Variants in CSMD1 observed in about 807,000 individuals in gnomAD.
CSMD1 encodes CUB and Sushi multiple domains 1.
In CSMD1, 213 loss-of-function variants were observed where a neutral mutation model predicts 417.5. The ratio of observed to expected loss-of-function variants is 0.51; its 90% confidence interval spans 0.46 to 0.57. The LOEUF (loss-of-function observed/expected upper bound fraction) is 0.57. CSMD1 is among the 20% of genes least tolerant of loss of function. CSMD1 has a pLI of 0.00. For missense variants in CSMD1, 6,923 were observed against 4,529.7 expected (o/e 1.53, Z -15.17); for synonymous variants, 2,862 against 1,736.8 (o/e 1.65, Z -16.11).
intron 5 of CSMD1, among the ~76,000 whole-genome samples, chr8:3,987,118 G>C (rs529349157): frequency 8.8e-4 from 134 of 152,170 alleles, no homozygotes; most frequent in African/African-American, 3.1e-3. Flanking sequence ...CAACTTACTG[G>C]AATGTATTTA....
chr8:4,678,221 G>C (rs1805817744), intron 1 of CSMD1, among the ~76,000 whole-genome samples: 1 of 152,032 alleles, frequency 6.6e-6, no homozygotes, highest in Middle Eastern at 3.4e-3. Flanking sequence ...GGTCAGCCTG[G>C]CCAACCTGGT....
At chr8:4,963,180 C>A (rs1480400431) in intron 1 of CSMD1, among the ~76,000 whole-genome samples, 3 of 151,914 alleles carry the variant, frequency 2.0e-5, no homozygotes, top group African/African-American at 7.3e-5. Context: ...AGCTGTAATC[C>A]CTTCATTCAC....
intron 12 of CSMD1, among the ~76,000 whole-genome samples, chr8:3,449,612 G>C (rs1815558996): frequency 6.6e-6 from 1 of 151,942 alleles, no homozygotes; most frequent in Admixed American, 6.6e-5. Flanking sequence ...CTGCCTCTTG[G>C]GTTCAAGCAA....
chr8:4,870,827 T>C (rs1167952818), intron 1 of CSMD1, among the ~76,000 whole-genome samples: 3 of 152,142 alleles, frequency 2.0e-5, no homozygotes, highest in Non-Finnish European at 2.9e-5. Context: ...GTGCATTTGC[T>C]GGCTCCCCTC....
intron 4 of CSMD1, among the ~76,000 whole-genome samples, chr8:4,031,005 G>A (rs1243084096): frequency 6.6e-6 from 1 of 152,108 alleles, no homozygotes; most frequent in Non-Finnish European, 1.5e-5. Flanking sequence ...CTCCATCCGA[G>A]ACCACCTCAG....
intron 55 of CSMD1, among the ~76,000 whole-genome samples, chr8:2,974,944 C>A (rs535026260): frequency 6.6e-6 from 1 of 152,092 alleles, no homozygotes; most frequent in East Asian, 1.9e-4. Context: ...TAACTATATT[C>A]CAAATGAACA....
rs567925445 is a variant in CSMD1 at position 3,319,832 on chromosome 8, G to C, written c.3632-11329C>G. Among the ~76,000 whole-genome samples the C allele has an allele frequency of 2.0e-5, 3 of 152,178 alleles. No individual in the cohort carries two copies. In the East Asian group the frequency reaches 5.8e-4, roughly 29 times the overall value. On this transcript the variant is annotated intron_variant, in intron 23 of 69. Transcript: ENST00000635120. ...TCAGCACATAATTTTAATTTTCATTGTCTAAATCTCAGTAATGCTTATATT... is the reference window on the plus strand; with the variant it reads ...TCAGCACATAATTTTAATTTTCATTCTCTAAATCTCAGTAATGCTTATATT...
intron 5 of CSMD1, among the ~76,000 whole-genome samples, chr8:3,928,527 T>A (rs567907976): frequency 1.5e-5 from 2 of 135,908 alleles, no homozygotes; most frequent in East Asian, 4.3e-4. Flanking sequence ...ATTCACAGGT[T>A]TCACGGCCGT....
At chr8:3,841,891 C>T (rs142477172) in intron 5 of CSMD1, among the ~76,000 whole-genome samples, 13 of 152,012 alleles carry the variant, frequency 8.6e-5, no homozygotes, top group South Asian at 4.2e-4. Flanking sequence ...ACACTGGCCA[C>T]GGCAAAGCCT....
rs1016922136 is a variant in CSMD1 at position 4,168,176 on chromosome 8, C to T, written c.416-136077G>A. ...ACACACACACACACACACACACACA[C>T]ATACACACACACGTATGTATGTATA... On this transcript the variant is annotated intron_variant, in intron 3 of 69. Transcript: ENST00000635120. Among the ~76,000 whole-genome samples, 32 of 147,990 alleles carry T rather than the reference C, an allele frequency of 2.2e-4. No homozygotes were observed. In the East Asian group the frequency reaches 4.3e-3, roughly 20 times the overall value.
In CSMD1 at chr8:4,654,511, A is replaced by G. The variant is rs552869770; in HGVS notation, c.86-16953T>C. 2.6e-5 allele frequency among the ~76,000 whole-genome samples: 4 copies of G among 152,202 alleles called. No individual in the cohort carries two copies. The East Asian group carries it at 7.7e-4, about 29-fold the overall frequency. The stretch of plus-strand genomic sequence containing the variant: ...GGAAACGAAGTACCAGGCAATGCAT[A>G]TACTTCTTACGTTTGCTGAGAGGCA... On this transcript the variant is annotated intron_variant, in intron 1 of 69. Transcript: ENST00000635120.
intron 26 of CSMD1, among the ~76,000 whole-genome samples, chr8:3,279,775 T>C (rs1321694151): frequency 6.6e-6 from 1 of 151,934 alleles, no homozygotes; most frequent in Admixed American, 6.6e-5. Flanking sequence ...AAAGGAGAAG[T>C]GCAAGCAGGA....
At chr8:3,761,430 A>C (rs1008865162) in intron 5 of CSMD1, among the ~76,000 whole-genome samples, 20 of 151,820 alleles carry the variant, frequency 1.3e-4, no homozygotes, top group Non-Finnish European at 1.5e-5. Flanking sequence ...AAATAAAAAA[A>C]CCCATATGGT....
At chr8:4,216,408 G>A (rs116699941) in intron 3 of CSMD1, among the ~76,000 whole-genome samples, 1,973 of 152,056 alleles carry the variant, frequency 0.013, 48 homozygotes, top group African/African-American at 0.046. Flanking sequence ...TTGTGTGCAT[G>A]GTAAAATTAA....
At chr8:4,102,432 A>T (rs1801353010) in intron 3 of CSMD1, among the ~76,000 whole-genome samples, 1 of 152,174 alleles carries the variant, frequency 6.6e-6, no homozygotes. Flanking sequence ...TTCTGTCATA[A>T]TAGATTTAAG....
intron 3 of CSMD1, among the ~76,000 whole-genome samples, chr8:4,164,789 T>C (rs959497047): frequency 1.3e-5 from 2 of 151,842 alleles, no homozygotes; most frequent in Non-Finnish European, 2.9e-5. Context: ...GGCAGGAGAA[T>C]GGCGTGAAAT....
At chr8:4,219,362 C>T (rs919220137) in intron 3 of CSMD1, among the ~76,000 whole-genome samples, 5 of 152,110 alleles carry the variant, frequency 3.3e-5, no homozygotes, top group Non-Finnish European at 7.4e-5. Context: ...GGCACATCCC[C>T]CTGGCACAGA....
chr8:4,845,220 G>A (rs1005619878), intron 1 of CSMD1, among the ~76,000 whole-genome samples: 5 of 152,004 alleles, frequency 3.3e-5, no homozygotes, highest in Non-Finnish European at 5.9e-5. Context: ...ACATATTTTG[G>A]TTATTGTACT....
chr8:4,469,945 G>A (rs1346229664), intron 2 of CSMD1, among the ~76,000 whole-genome samples: 1 of 151,054 alleles, frequency 6.6e-6, no homozygotes, highest in Non-Finnish European at 1.5e-5. Context: ...TCGGCTCACT[G>A]CAAGCTCCAC....
Sources: gnomAD v4.1 joint callset for allele counts (sites outside exome capture counted in the v4.1 genomes callset) on GRCh38, gnomAD v4.1.1 for gene constraint, MANE v1.5 for transcripts, NCBI Gene and HGNC (gene_info 2026-07-23, HGNC 2026-07-21) for gene names.